The following FBXO11 variants were observed in gnomAD, a reference collection of about 807,000 sequenced individuals.
FBXO11 encodes F-box protein 11, also known as F-box only protein 11.
A neutral mutation model predicts 117.0 loss-of-function variants in FBXO11; 13 were observed. That is an observed-to-expected ratio of 0.11 (90% CI 0.07 to 0.18). The LOEUF is 0.18. Among genes scored for constraint, FBXO11 ranks in the 10% least tolerant of loss-of-function variants. The pLI is 1.00. For missense variants in FBXO11, 767 were observed against 1,164.4 expected, an observed-to-expected ratio of 0.66 and a Z score of 4.97; for synonymous variants, 490 against 380.5, an observed-to-expected ratio of 1.29 and a Z score of -3.35.
intron 1 of FBXO11, among the ~76,000 whole-genome samples, chr2:47,886,743 A>G (rs1465183858): frequency 6.6e-6 from 1 of 152,202 alleles, no homozygotes; most frequent in Non-Finnish European, 1.5e-5. Context: ...CTTTAAGCAA[A>G]ACATGAAACT....
intron 1 of FBXO11, among the ~76,000 whole-genome samples, chr2:47,858,514 T>G (rs1572857462): frequency 6.7e-6 from 1 of 149,594 alleles, no homozygotes; most frequent in Non-Finnish European, 1.5e-5. Flanking sequence ...TATCCCCGTC[T>G]CTACTAAAAA....
At chr2:47,859,070 A>G (rs1217677540) in intron 1 of FBXO11, among the ~76,000 whole-genome samples, 1 of 151,728 alleles carries the variant, frequency 6.6e-6, no homozygotes, top group Non-Finnish European at 1.5e-5. Context: ...AAAAGAAAAG[A>G]AAAGAAAAAG....
intron 17 of FBXO11, among the ~76,000 whole-genome samples, chr2:47,813,588 T>C (rs1281090991): frequency 6.6e-6 from 1 of 151,856 alleles, no homozygotes; most frequent in African/African-American, 2.4e-5. Flanking sequence ...TGTGCCACCA[T>C]GTCCAACTAA....
chr2:47,841,316 G>C (rs1672995229), intron 1 of FBXO11, among the ~76,000 whole-genome samples: 1 of 152,198 alleles, frequency 6.6e-6, no homozygotes, highest in Non-Finnish European at 1.5e-5. Flanking sequence ...ATGAGGGGAA[G>C]CTTCTCTATA....
chr2:47,854,460 A>G (rs1572850043), intron 1 of FBXO11, among the ~76,000 whole-genome samples: 2 of 152,042 alleles, frequency 1.3e-5, no homozygotes, highest in Admixed American at 6.6e-5. Context: ...GGAGTATTAG[A>G]AAGAAAACTA....
chr2:47,863,648 G>C (rs2103768506), intron 1 of FBXO11, among the ~76,000 whole-genome samples: 1 of 152,258 alleles, frequency 6.6e-6, no homozygotes, highest in Admixed American at 6.5e-5. Context: ...AAGAAATATA[G>C]CATCCTCCTC....
intron 1 of FBXO11, among the ~76,000 whole-genome samples, chr2:47,899,405 T>C (rs1677928800): frequency 6.6e-6 from 1 of 152,194 alleles, no homozygotes; most frequent in Non-Finnish European, 1.5e-5. Context: ...ATCCCTTACT[T>C]TTTATATTTA....
intron 1 of FBXO11, among the ~76,000 whole-genome samples, chr2:47,897,516 G>A (rs928977505): frequency 2.0e-5 from 3 of 152,034 alleles, no homozygotes; most frequent in Non-Finnish European, 4.4e-5. Context: ...GGCCAACGTG[G>A]GGAAACCCCG....
intron 1 of FBXO11, among the ~76,000 whole-genome samples, chr2:47,861,141 C>T (rs1347530006): frequency 1.3e-5 from 2 of 152,224 alleles, no homozygotes; most frequent in East Asian, 1.9e-4. Context: ...TGAACCACCA[C>T]GCCTGGCCTT....
intron 11 of FBXO11, among the ~76,000 whole-genome samples, chr2:47,828,559 C>T (rs1572796989): frequency 6.7e-6 from 1 of 150,364 alleles, no homozygotes; most frequent in South Asian, 2.1e-4. Context: ...CAGTGAGCCG[C>T]GATTGCACCA....
At chr2:47,850,849 GTC>G (rs748304694) in intron 1 of FBXO11, among the ~76,000 whole-genome samples, 3 of 152,086 alleles carry the variant, frequency 2.0e-5, no homozygotes, top group Non-Finnish European at 4.4e-5. Context: ...GTGTAAAATA[GTC>G]TCTCCCCAGA....
intron 1 of FBXO11, among the ~76,000 whole-genome samples, chr2:47,877,723 C>T (rs538951753): frequency 5.3e-5 from 8 of 152,108 alleles, no homozygotes; most frequent in African/African-American, 1.9e-4. Flanking sequence ...CTCGCTTTGT[C>T]GCCCAGGCTG....
intron 1 of FBXO11, among the ~76,000 whole-genome samples, chr2:47,889,980 A>C (rs1677140372): frequency 6.6e-6 from 1 of 152,238 alleles, no homozygotes; most frequent in Non-Finnish European, 1.5e-5. Flanking sequence ...ATTTTATGCT[A>C]CAGTCGCAAA....
chr2:47,812,939 T>C (rs1238414236), intron 18 of FBXO11: 1 of 327,666 alleles, frequency 3.1e-6, no homozygotes, highest in African/African-American at 2.2e-5. Context: ...CTTTGAAGTT[T>C]ATTATAATCA....
At chr2:47,894,540 A>G (rs1029412529) in intron 1 of FBXO11, among the ~76,000 whole-genome samples, 2 of 152,200 alleles carry the variant, frequency 1.3e-5, no homozygotes, top group Admixed American at 1.3e-4. Flanking sequence ...TAAAGTCCAC[A>G]GTATTTTTTT....
chr2:47,905,426 G>A lies in FBXO11; in HGVS notation c.232+63C>T, dbSNP rs1187753547. The A allele has an allele frequency of 9.7e-5, 106 of 1,094,522 alleles. No individual in the cohort carries two copies. The South Asian group carries it at 4.1e-3, about 42-fold the overall frequency. The allele number at this position is 1,094,522 out of a possible 1,614,324, so 67.8% of individuals were successfully genotyped here. Reference sequence around the variant, plus strand: ...CCCCCGCCCGCCCGCCCGCCCGCCCGCCCCGGCCTCCCTTCCCGCGGTGCC... The same window carrying A: ...CCCCCGCCCGCCCGCCCGCCCGCCCACCCCGGCCTCCCTTCCCGCGGTGCC... On this transcript the variant is annotated intron_variant, in intron 1 of 22. Coordinates refer to ENST00000403359, the MANE Select transcript of FBXO11 (RefSeq NM_001190274.2).
At chr2:47,891,169 A>G (rs1046371443) in intron 1 of FBXO11, among the ~76,000 whole-genome samples, 6 of 152,028 alleles carry the variant, frequency 3.9e-5, no homozygotes, top group African/African-American at 1.5e-4. Context: ...CTTCTTAACA[A>G]ATGTTTAAGT....
In FBXO11 at chr2:47,905,652, C is replaced by T. The variant is rs1678753513; in HGVS notation, c.69G>A (p.Gln23=). ...GCGGCTGCTGCGGGGGCTGCTGCTG[C>T]TGTTGCTGCACCGGGCGCGGCCGCG... The part of the protein sequence containing the change: ...RVSRPRPVQQ[Q]QQQPPQQPPP... The change falls in exon 1 of 23, where the codon CAG becomes CAA. Residue 23 remains glutamine (Q), a synonymous_variant. Coordinates refer to ENST00000403359, the MANE Select transcript of FBXO11 (RefSeq NM_001190274.2). The T allele has an allele frequency of 1.4e-6, 2 of 1,467,118 alleles. No individual in the cohort carries two copies. The highest frequency in any genetic ancestry group is 1.5e-5 in the African/African-American group (1 of 68,136). The allele number at this position is 1,467,118 out of a possible 1,614,324, so 90.9% of individuals were successfully genotyped here.
chr2:47,818,240 AAC>A (rs1317036914), intron 16 of FBXO11, among the ~76,000 whole-genome samples: 1 of 152,256 alleles, frequency 6.6e-6, no homozygotes, highest in Non-Finnish European at 1.5e-5. Context: ...AGATCTGCTC[AAC>A]ACAGTATTGC....
Sources: gnomAD v4.1 joint callset for allele counts (sites outside exome capture counted in the v4.1 genomes callset) on GRCh38, gnomAD v4.1.1 for gene constraint, MANE v1.5 for transcripts, NCBI Gene and HGNC (gene_info 2026-07-23, HGNC 2026-07-21) for gene names.